SRGAP1: variants seen among roughly 807,000 people sequenced by gnomAD.
SRGAP1 encodes SLIT-ROBO Rho GTPase-activating protein 1.
SRGAP1 carries 43 observed loss-of-function variants against 121.9 expected under a neutral mutation model. That is an observed-to-expected ratio of 0.35 (90% CI 0.28 to 0.46). SRGAP1 has a LOEUF of 0.46. SRGAP1 is among the 20% of genes least tolerant of loss of function. SRGAP1 has a pLI of 1.00. For synonymous variants in SRGAP1, 447 were observed against 485.4 expected (o/e 0.92, Z 1.04); for missense variants, 1,102 against 1,350.9 (o/e 0.82, Z 2.89).
intron 1 of SRGAP1, among the ~76,000 whole-genome samples, chr12:63,860,033 TC>T (rs1423151739): frequency 6.6e-6 from 1 of 152,108 alleles, no homozygotes; most frequent in Non-Finnish European, 1.5e-5. Context: ...TGGGATGGGG[TC>T]TAACTGTGCT....
Position 64,142,558 on chromosome 12 carries a change from G to A in SRGAP1, c.3144G>A (p.Val1048=), listed in dbSNP as rs2036983137. ...FKPMVAPRMG[V]QLKPPALRPK... ...CTATGGTGGCACCCAGAATGGGCGT[G>A]CAGCTGAAGCCTCCAGCCCTTAGGC... Residue 1048 remains valine (V), a synonymous_variant, in exon 22 of 22, where the codon GTG becomes GTA. Transcript: ENST00000355086. 1.9e-6 allele frequency: 3 copies of A among 1,614,208 alleles called. No individual in the cohort carries two copies. Among genetic ancestry groups the A allele is most frequent in the Non-Finnish European group, 2.5e-6 (3 of 1,180,038 alleles).
intron 1 of SRGAP1, among the ~76,000 whole-genome samples, chr12:63,972,293 G>A (rs553459260): frequency 8.5e-5 from 13 of 152,328 alleles, no homozygotes; most frequent in African/African-American, 2.9e-4. Context: ...TGTGGTAGAA[G>A]TAGATAAATA....
chr12:63,908,069 A>C (rs894530781), intron 1 of SRGAP1, among the ~76,000 whole-genome samples: 1 of 152,150 alleles, frequency 6.6e-6, no homozygotes, highest in Admixed American at 6.5e-5. Context: ...ATATTGATGC[A>C]TATGTATGTC....
At chr12:64,115,787 A>T (rs760934854) in intron 17 of SRGAP1, 27 bp from the exon 18 acceptor site, 1 of 1,600,716 alleles carries the variant, frequency 6.2e-7, no homozygotes, top group Non-Finnish European at 8.5e-7. Context: ...TTTTAATTTC[A>T]TATGAATTTC....
At chr12:63,870,667 G>A (rs904327376) in intron 1 of SRGAP1, among the ~76,000 whole-genome samples, 5 of 151,658 alleles carry the variant, frequency 3.3e-5, no homozygotes, top group African/African-American at 1.2e-4. Context: ...AACCTCCTGA[G>A]TAGCTGGGAC....
chr12:64,144,256 G>GTTGTTGTTGTTGTT lies in SRGAP1; in HGVS notation c.*1584_*1585insTTGTTGTTGTTGTT, dbSNP rs1295637433. On this transcript the variant is annotated 3_prime_UTR_variant, in exon 22 of 22. Transcript: ENST00000355086. ...TTTTTGTTGTTGTTGTTGTTGTTGG[G>GTTGTTGTTGTTGTT]AGAAATGGATTTCCCACAACTAATC... The GTTGTTGTTGTTGTT allele has an allele frequency of 2.3e-5, 2 of 87,260 alleles. No homozygotes were observed. The highest frequency in any genetic ancestry group is 9.2e-5 in the African/African-American group (2 of 21,736). The allele number at this position is 87,260 out of a possible 1,614,324, so 5.4% of individuals were successfully genotyped here.
Position 63,844,948 on chromosome 12 carries a change from G to A in SRGAP1, c.67+65G>A. 6.6e-7 allele frequency: 1 copy of A among 1,503,918 alleles called. No homozygotes were observed. The highest frequency in any genetic ancestry group is 9.3e-7 in the Non-Finnish European group (1 of 1,079,620). 93.2% of individuals were successfully genotyped at this position (1,503,918 alleles called of 1,614,324 possible). A position where few individuals can be genotyped will look rare whatever the true frequency, so the allele number is the denominator to read the frequency against. On this transcript the variant is annotated intron_variant, in intron 1 of 21. Transcript: ENST00000355086. This position sits in a 1 kb window ranked among gnomAD's most constrained non-coding sequence, Gnocchi z 4.3. ...TTCTTGTCATTGTGCTCGTGGAGTT[G>A]CGTATCTAACTTGGTGTCTGCGTGG...
At position 63,844,822 on chromosome 12, in the gene SRGAP1, C is replaced by T; in HGVS notation, c.6C>T (p.Ser2=). The T allele has an allele frequency of 6.2e-7, 1 of 1,614,176 alleles. No homozygotes were observed. Among genetic ancestry groups the T allele is most frequent in the Non-Finnish European group, 8.5e-7 (1 of 1,180,034 alleles). M[S]TPSRFKKDKE... ...AAACCCGGAACAGCTGGATAATGTC[C>T]ACCCCGAGCCGATTCAAGAAGGACA... Residue 2 remains serine, a synonymous_variant, in exon 1 of 22, where the codon TCC becomes TCT. Coordinates refer to ENST00000355086, the MANE Select transcript of SRGAP1 (RefSeq NM_020762.4). This position sits in a 1 kb window ranked among gnomAD's most constrained non-coding sequence, Gnocchi z 4.3.
chr12:64,060,807 T>C (rs1401527821), intron 6 of SRGAP1, among the ~76,000 whole-genome samples: 2 of 152,188 alleles, frequency 1.3e-5, no homozygotes, highest in African/African-American at 2.4e-5. Context: ...ACTCCTCCAC[T>C]ATTTTAACAG....
Position 64,145,731 on chromosome 12 carries a change from A to G in SRGAP1, c.*3059A>G, listed in dbSNP as rs969325440. 1 of 152,144 alleles carries G rather than the reference A, an allele frequency of 6.6e-6. No homozygotes were observed. Among genetic ancestry groups the G allele is most frequent in the Admixed American group, 6.5e-5 (1 of 15,278 alleles). The allele number at this position is 152,144 out of a possible 1,614,324, so 9.4% of individuals were successfully genotyped here. A position where few individuals can be genotyped will look rare whatever the true frequency, so the allele number is the denominator to read the frequency against. On this transcript the variant is annotated 3_prime_UTR_variant, in exon 22 of 22. Coordinates refer to ENST00000355086, the MANE Select transcript of SRGAP1 (RefSeq NM_020762.4). ...TGCTCAGTAAAGCTCATTAAAAGCC[A>G]CTGCAGCTGAGAAGGTTCACAGCCC... is the stretch of plus-strand genomic sequence containing the variant.
rs2036172884 is a variant in SRGAP1, at chr12:64,097,229, T to TG, written c.1679-12_1679-11insG. ...GCACTGTTAATGTAATGAGTTTTTT[T>TG]TTTTTTTTTAGGTGAAAATCCTTTG... On this transcript the variant is annotated splice_polypyrimidine_tract_variant and intron_variant, in intron 14 of 21. Transcript: ENST00000355086. The TG allele has an allele frequency of 6.4e-7, 1 of 1,569,030 alleles. No homozygotes were observed. Among genetic ancestry groups the TG allele is most frequent in the African/African-American group, 1.4e-5 (1 of 72,148 alleles).
intron 4 of SRGAP1, among the ~76,000 whole-genome samples, chr12:64,027,340 A>C (rs2034675168): frequency 6.6e-6 from 1 of 152,068 alleles, no homozygotes; most frequent in Non-Finnish European, 1.5e-5. Context: ...TACATAACAC[A>C]GACTATTATG....
chr12:64,017,661 A>G (rs1002059798), intron 4 of SRGAP1, among the ~76,000 whole-genome samples: 1 of 152,058 alleles, frequency 6.6e-6, no homozygotes, highest in African/African-American at 2.4e-5. Flanking sequence ...TCTCAAAAAA[A>G]AAAAAAAAAT....
At position 63,857,450 on chromosome 12, in the gene SRGAP1, C is replaced by T. The variant is rs182426075; in HGVS notation, c.67+12567C>T. ...AGGCTGGAGTGCAGTGGCATGGTCT[C>T]GGCTCACTGCAACCTCCGCCTCCCA... On this transcript the variant is annotated intron_variant, in intron 1 of 21. Coordinates refer to ENST00000355086, the MANE Select transcript of SRGAP1 (RefSeq NM_020762.4). Among the ~76,000 whole-genome samples, 161 of 151,704 alleles carry T rather than the reference C, an allele frequency of 1.1e-3. 1 individual carries two copies. Among genetic ancestry groups the T allele is most frequent in the Admixed American group, 4.1e-3 (63 of 15,202 alleles).
chr12:64,121,296 C>T (rs1243320933), intron 18 of SRGAP1, among the ~76,000 whole-genome samples: 3 of 152,118 alleles, frequency 2.0e-5, no homozygotes, highest in Admixed American at 1.3e-4. Flanking sequence ...CATGAGCCAC[C>T]CACGCCCCGC....
intron 9 of SRGAP1, among the ~76,000 whole-genome samples, chr12:64,079,322 G>A (rs1157034526): frequency 6.6e-6 from 1 of 152,018 alleles, no homozygotes; most frequent in South Asian, 2.1e-4. Context: ...TAGTTAGTTA[G>A]AGGACTGGTA....
intron 10 of SRGAP1, 107 bp downstream of exon 10, chr12:64,080,477 A>T (rs762943193): frequency 2.1e-5 from 20 of 972,348 alleles, no homozygotes; most frequent in African/African-American, 3.2e-5. Flanking sequence ...GAAGCAGAGG[A>T]CACTCTGTGT....
At chr12:64,136,207 G>A (rs2036853916) in intron 21 of SRGAP1, among the ~76,000 whole-genome samples, 1 of 152,136 alleles carries the variant, frequency 6.6e-6, no homozygotes, top group South Asian at 2.1e-4. Flanking sequence ...TTGACACTCA[G>A]TATTAACCAT....
At chr12:64,115,926 G>C (rs369635382) in intron 18 of SRGAP1, 33 bp downstream of exon 18, 7 of 1,555,192 alleles carry the variant, frequency 4.5e-6, no homozygotes, top group South Asian at 2.3e-5. Context: ...TATAAAGCCA[G>C]TCTTTATATC....
Sources: allele counts gnomAD v4.1 joint callset (sites outside exome capture counted in the v4.1 genomes callset), GRCh38; gene constraint gnomAD v4.1.1; non-coding constraint Gnocchi (gnomAD v3.1); transcripts MANE v1.5; gene names NCBI Gene and HGNC (gene_info 2026-07-23, HGNC 2026-07-21).